UNC13B: variants seen among roughly 807,000 people sequenced by gnomAD.
UNC13B encodes unc-13 homolog B.
A neutral mutation model predicts 211.0 loss-of-function variants in UNC13B; 144 were observed. That is an observed-to-expected ratio of 0.68 (90% CI 0.60 to 0.78). The LOEUF is 0.78. UNC13B is among the 30% of genes least tolerant of loss of function. The pLI is 0.00. For missense variants in UNC13B, 1,777 were observed against 2,002.0 expected (o/e 0.89, Z 2.14); for synonymous variants, 709 against 725.8 (o/e 0.98, Z 0.37).
chr9:35,311,412 G>A (rs1268748596), intron 10 of UNC13B, among the ~76,000 whole-genome samples: 2 of 152,186 alleles, frequency 1.3e-5, no homozygotes, highest in East Asian at 3.8e-4. Context: ...CATCCACTGG[G>A]GCTGTGGTAG....
intron 1 of UNC13B, among the ~76,000 whole-genome samples, chr9:35,222,017 A>G (rs554630887): frequency 6.6e-6 from 1 of 152,234 alleles, no homozygotes; most frequent in South Asian, 2.1e-4. Context: ...ATTGATCATT[A>G]TGTCTTTTTA....
intron 1 of UNC13B, among the ~76,000 whole-genome samples, chr9:35,183,519 G>GAC (rs1822110760): frequency 7.4e-6 from 1 of 135,448 alleles, no homozygotes; most frequent in Non-Finnish European, 1.6e-5. Context: ...GCCGGGCAGA[G>GAC]GCTCCCCCAA....
chr9:35,341,943 A>G, intron 11 of UNC13B: 1 of 985,520 alleles, frequency 1.0e-6, no homozygotes, highest in Non-Finnish European at 1.2e-6. Context: ...CATCCAGTTG[A>G]AGTTTGGCTG....
intron 7 of UNC13B, among the ~76,000 whole-genome samples, chr9:35,268,866 T>G (rs1243149441): frequency 6.6e-6 from 1 of 152,212 alleles, no homozygotes; most frequent in Non-Finnish European, 1.5e-5. Context: ...CATGCATTAG[T>G]TTTAGGATGT....
intron 11 of UNC13B, among the ~76,000 whole-genome samples, chr9:35,320,715 A>T (rs926416580): frequency 6.6e-6 from 1 of 152,170 alleles, no homozygotes; most frequent in Non-Finnish European, 1.5e-5. Flanking sequence ...TTTCTACTGC[A>T]TGATGATGTA....
chr9:35,333,197 T>C (rs1479993282), intron 11 of UNC13B, among the ~76,000 whole-genome samples: 1 of 152,192 alleles, frequency 6.6e-6, no homozygotes, highest in Non-Finnish European at 1.5e-5. Flanking sequence ...AGAGAAAATG[T>C]CTGACTTTAT....
At chr9:35,398,840 G>A in intron 32 of UNC13B, 42 bp from the exon 33 acceptor site, 4 of 1,600,258 alleles carry the variant, frequency 2.5e-6, no homozygotes, top group Non-Finnish European at 3.4e-6. Flanking sequence ...GGGACAGTGT[G>A]TGTTTGGGGA....
intron 11 of UNC13B, among the ~76,000 whole-genome samples, chr9:35,362,952 G>A (rs1377486377): frequency 1.3e-5 from 2 of 152,182 alleles, no homozygotes; most frequent in African/African-American, 4.8e-5. Flanking sequence ...TTGCTTGGGT[G>A]GGCATCAGAG....
chr9:35,366,896 C>A, intron 11 of UNC13B, 51 bp from the exon 12 acceptor site: 2 of 1,487,412 alleles, frequency 1.3e-6, no homozygotes, highest in Non-Finnish European at 9.4e-7. Flanking sequence ...AGATTACAGG[C>A]AATCTCCCAT....
At chr9:35,402,823 A>G (rs1305331423) in intron 37 of UNC13B, among the ~76,000 whole-genome samples, 3 of 152,196 alleles carry the variant, frequency 2.0e-5, no homozygotes, top group East Asian at 1.9e-4. Context: ...TACCAGGTCA[A>G]CATAATTCCC....
chr9:35,201,636 T>G (rs1313630338), intron 1 of UNC13B, among the ~76,000 whole-genome samples: 2 of 152,076 alleles, frequency 1.3e-5, no homozygotes, highest in Non-Finnish European at 2.9e-5. Context: ...GGTGTTTATA[T>G]TATTCTCTGA....
In UNC13B at chr9:35,313,790, G is replaced by A. The variant is rs892062588; in HGVS notation, c.9324-109G>A. ...TAGCCTGAATCACTAAATAAGTGTAGGCATGAGTACAAACCATTTTATTTT... is the reference window on the plus strand; with the variant it reads ...TAGCCTGAATCACTAAATAAGTGTAAGCATGAGTACAAACCATTTTATTTT... On this transcript the variant is annotated intron_variant, in intron 10 of 39. Transcript: ENST00000635942. 7.5e-6 allele frequency: 6 copies of A among 801,610 alleles called. No homozygotes were observed. The Admixed American group carries it at 1.2e-4, about 16-fold the overall frequency. The allele number at this position is 801,610 out of a possible 1,614,324, so 49.7% of individuals were successfully genotyped here. A position where few individuals can be genotyped will look rare whatever the true frequency, so the allele number is the denominator to read the frequency against.
chr9:35,378,269 G>A (rs755795389), intron 16 of UNC13B, 26 bp from the exon 17 acceptor site: 3 of 1,613,814 alleles, frequency 1.9e-6, no homozygotes, highest in East Asian at 4.5e-5. Context: ...CGACTCTGAA[G>A]CCTCCTATAC....
chr9:35,256,400 A>G (rs1826881007), intron 6 of UNC13B, among the ~76,000 whole-genome samples: 1 of 152,168 alleles, frequency 6.6e-6, no homozygotes, highest in Non-Finnish European at 1.5e-5. Flanking sequence ...GTAAGAGTGG[A>G]GAGCCTTGTC....
intron 1 of UNC13B, among the ~76,000 whole-genome samples, chr9:35,220,752 T>C (rs1271561928): frequency 6.6e-6 from 1 of 152,188 alleles, no homozygotes; most frequent in Non-Finnish European, 1.5e-5. Flanking sequence ...ATTTACTGAT[T>C]TCCTTTTTTG....
chr9:35,164,620 A>G (rs1820938863), intron 1 of UNC13B, among the ~76,000 whole-genome samples: 1 of 152,180 alleles, frequency 6.6e-6, no homozygotes, highest in East Asian at 1.9e-4. Context: ...CTGACTCCAG[A>G]CTTGTGGCCT....
Position 35,403,197 on chromosome 9 carries a change from T to C in UNC13B, c.12515T>C (p.Val4172Ala). 1 of 1,614,094 alleles carries C rather than the reference T, an allele frequency of 6.2e-7. No homozygotes were observed. The highest frequency in any genetic ancestry group is 8.5e-7 in the Non-Finnish European group (1 of 1,179,994). The change falls in exon 38 of 40, where the codon GTC becomes GCC. Residue 4172 changes from valine (V) to alanine (A), a missense_variant. Val to Ala is a moderately conservative substitution (Grantham distance 64). Transcript: ENST00000635942. ...GGTGTGGACGATCCTGTGGGAGAAG[T>C]CTCTATTCAGGTGGACTTGTTTACA... is the stretch of plus-strand genomic sequence containing the variant. The part of the protein sequence containing the change: ...GSGVDDPVGE[V>A]SIQVDLFTHP...
At chr9:35,256,963 G>T (rs1219712136) in intron 6 of UNC13B, among the ~76,000 whole-genome samples, 2 of 151,904 alleles carry the variant, frequency 1.3e-5, no homozygotes, top group African/African-American at 2.4e-5. Context: ...TCTGTTTTGG[G>T]CCTGGGAGAG....
chr9:35,257,370 TAAAATATTTATATAAATATTTATA>T (rs1564097830), intron 6 of UNC13B, among the ~76,000 whole-genome samples: 4 of 60,646 alleles, frequency 6.6e-5, no homozygotes, highest in South Asian at 6.4e-4. Context: ...TAAATATTTA[TAAAATATTTATATAAATATTTATA>T]AAAATATTTA....
Sources: allele counts gnomAD v4.1 joint callset (sites outside exome capture counted in the v4.1 genomes callset), GRCh38; gene constraint gnomAD v4.1.1; transcripts MANE v1.5; gene names NCBI Gene and HGNC (gene_info 2026-07-23, HGNC 2026-07-21).